The following GALNT13 variants were observed in gnomAD, a reference collection of about 807,000 sequenced individuals.
GALNT13 encodes the protein UDP-GalNAc:polypeptide N-acetylgalactosaminyltransferase 13.
Under a neutral mutation model 64.2 loss-of-function variants are expected in GALNT13, and 28 were observed. The ratio of observed to expected loss-of-function variants is 0.44; its 90% CI spans 0.32 to 0.60. The LOEUF (loss-of-function observed/expected upper bound fraction) is 0.60, where lower values mean the gene tolerates loss of function less well. Ranked by LOEUF, GALNT13 falls within the 20% of genes least tolerant of loss-of-function variation. GALNT13 has a pLI of 0.05. For synonymous variants in GALNT13, 214 were observed against 224.6 expected (o/e 0.95, Z 0.42); for missense variants, 577 against 669.8 (o/e 0.86, Z 1.53).
intron 4 of GALNT13, among the ~76,000 whole-genome samples, chr2:154,147,077 T>G (rs2105603562): frequency 6.6e-6 from 1 of 152,232 alleles, no homozygotes; most frequent in East Asian, 1.9e-4. Flanking sequence ...GGTTTTTCTC[T>G]TCCCTGTAAG....
intron 4 of GALNT13, among the ~76,000 whole-genome samples, chr2:154,183,729 G>GA (rs1559010934): frequency 6.6e-6 from 1 of 150,590 alleles, no homozygotes; most frequent in Non-Finnish European, 1.5e-5. Flanking sequence ...CAAACAAATT[G>GA]AAAAAAACTT....
intron 4 of GALNT13, among the ~76,000 whole-genome samples, chr2:154,202,567 G>T (rs898253057): frequency 2.0e-5 from 3 of 152,038 alleles, no homozygotes; most frequent in Non-Finnish European, 4.4e-5. Flanking sequence ...TAGAAGGCTG[G>T]AGAAAATTTA....
chr2:154,233,198 A>ATGTC (rs1421992395), intron 4 of GALNT13, among the ~76,000 whole-genome samples: 2 of 152,186 alleles, frequency 1.3e-5, no homozygotes, highest in African/African-American at 4.8e-5. Context: ...ACCTTAGCAG[A>ATGTC]TGTCTTAGTA....
At chr2:153,333,990 T>C in the GALNT13 span, among the ~76,000 whole-genome samples, 1 of 152,180 alleles carries the variant, frequency 6.6e-6, no homozygotes, top group East Asian at 1.9e-4. Flanking sequence ...GACTCAGATA[T>C]AATCTTAAAA....
At chr2:153,814,409 C>T in the GALNT13 span, among the ~76,000 whole-genome samples, 2 of 152,148 alleles carry the variant, frequency 1.3e-5, no homozygotes, top group African/African-American at 4.8e-5. Flanking sequence ...CACTGCACTC[C>T]AGCCTGGGCT....
At chr2:153,297,180 G>T in the GALNT13 span, among the ~76,000 whole-genome samples, 1 of 152,178 alleles carries the variant, frequency 6.6e-6, no homozygotes, top group East Asian at 1.9e-4. Context: ...AGGAAGAAAA[G>T]AAGAGACTGT....
At chr2:154,209,197 A>G (rs1170616448) in intron 4 of GALNT13, among the ~76,000 whole-genome samples, 1 of 152,188 alleles carries the variant, frequency 6.6e-6, no homozygotes, top group Non-Finnish European at 1.5e-5. Flanking sequence ...TTCCAACTAG[A>G]TAAAATGAGA....
Position 154,128,675 on chromosome 2 carries a change from G to A in GALNT13, c.143-11662G>A, listed in dbSNP as rs530276979. On this transcript the variant is annotated intron_variant, in intron 3 of 12. Coordinates refer to ENST00000392825, the MANE Select transcript of GALNT13 (RefSeq NM_052917.4). ...GGTAGTGATTAGATATGTGATCACT[G>A]AGGTTAACTGTTAGTTTTGGTAGAA... 8.5e-5 allele frequency among the ~76,000 whole-genome samples: 13 copies of A among 152,176 alleles called. No individual in the cohort carries two copies. The East Asian group carries it at 1.7e-3, about 20-fold the overall frequency.
intron 3 of GALNT13, among the ~76,000 whole-genome samples, chr2:153,952,620 T>C (rs1692275138): frequency 6.6e-6 from 1 of 152,128 alleles, no homozygotes; most frequent in Non-Finnish European, 1.5e-5. Flanking sequence ...TATGTATTAC[T>C]CACAGAGTTA....
the GALNT13 span, among the ~76,000 whole-genome samples, chr2:153,165,781 T>G: frequency 2.6e-5 from 4 of 152,180 alleles, no homozygotes; most frequent in Non-Finnish European, 5.9e-5. Context: ...CCTTAGGATG[T>G]GAATAAATTT....
intron 4 of GALNT13, among the ~76,000 whole-genome samples, chr2:154,211,745 A>T (rs1687787957): frequency 6.6e-6 from 1 of 151,872 alleles, no homozygotes; most frequent in South Asian, 2.1e-4. Context: ...TTTGTCCTTG[A>T]TGGAAACATC....
At chr2:154,426,986 T>G (rs1700497735) in intron 11 of GALNT13, among the ~76,000 whole-genome samples, 2 of 152,164 alleles carry the variant, frequency 1.3e-5, no homozygotes, top group South Asian at 4.1e-4. Flanking sequence ...GTCCACAAGA[T>G]TTTTTTAAAA....
At chr2:153,380,645 T>C in the GALNT13 span, among the ~76,000 whole-genome samples, 30 of 152,036 alleles carry the variant, frequency 2.0e-4, no homozygotes, top group African/African-American at 7.0e-4. Flanking sequence ...GTACGTAGTA[T>C]AGTGGAAAAT....
At chr2:154,165,253 C>A (rs1684963272) in intron 4 of GALNT13, among the ~76,000 whole-genome samples, 1 of 152,112 alleles carries the variant, frequency 6.6e-6, no homozygotes, top group Admixed American at 6.6e-5. Flanking sequence ...GGAACTTTTA[C>A]CTCCTTCACT....
chr2:154,003,594 A>G lies in GALNT13; in HGVS notation c.142+58955A>G, dbSNP rs537867313. ...TTAATTTTCTTTTAAGTATTGTTGA[A>G]TACAAAGTCTTGTTGCCTACTGATG... On this transcript the variant is annotated intron_variant, in intron 3 of 12. Transcript: ENST00000392825. Among the ~76,000 whole-genome samples the G allele has an allele frequency of 5.3e-5, 8 of 152,184 alleles. No homozygotes were observed. The East Asian group carries it at 1.4e-3, about 26-fold the overall frequency.
the GALNT13 span, chr2:153,420,767 T>A: frequency 8.6e-6 from 2 of 231,516 alleles, no homozygotes; most frequent in African/African-American, 2.3e-5. Flanking sequence ...CAGAAAATGC[T>A]TCTTCTCCCA....
At position 154,375,476 on chromosome 2, in the gene GALNT13, A is replaced by G. The variant is rs891880152; in HGVS notation, c.1157-20515A>G. 5.9e-5 allele frequency among the ~76,000 whole-genome samples: 9 copies of G among 152,166 alleles called. No individual in the cohort carries two copies. The East Asian group carries it at 1.7e-3, about 29-fold the overall frequency. On this transcript the variant is annotated intron_variant, in intron 9 of 12. Coordinates refer to ENST00000392825, the MANE Select transcript of GALNT13 (RefSeq NM_052917.4). ...TAATTTAGAGTGTCCTTCTTTGCTC[A>G]TTGGGCGCTTGCTTCCAAGGAACGA... is the stretch of plus-strand genomic sequence containing the variant.
the GALNT13 span, among the ~76,000 whole-genome samples, chr2:153,834,035 CA>C: frequency 6.6e-6 from 1 of 152,032 alleles, no homozygotes; most frequent in African/African-American, 2.4e-5. Context: ...GTGATTTAGG[CA>C]TACTCAATTT....
chr2:153,385,560 G>A, the GALNT13 span, among the ~76,000 whole-genome samples: 8 of 151,920 alleles, frequency 5.3e-5, no homozygotes, highest in African/African-American at 1.9e-4. Flanking sequence ...TAGTGGGGTG[G>A]GGAGGTGGAG....
Sources: allele counts gnomAD v4.1 joint callset (sites outside exome capture counted in the v4.1 genomes callset), GRCh38; gene constraint gnomAD v4.1.1; transcripts MANE v1.5; gene names NCBI Gene and HGNC (gene_info 2026-07-23, HGNC 2026-07-21).